The following P4HA3 variants were observed in gnomAD, a reference collection of about 807,000 sequenced individuals.
The protein encoded by P4HA3 is prolyl 4-hydroxylase subunit alpha-3.
P4HA3 carries 60 observed loss-of-function variants against 66.7 expected under a neutral mutation model. That is an observed-to-expected ratio of 0.90 (90% CI 0.73 to 1.12). The LOEUF is 1.12. P4HA3 is among the 50% of genes most tolerant of loss of function. The probability of loss-of-function intolerance (pLI) is 0.00; values close to 1 mark genes in which losing one functional copy is unlikely to be tolerated. For synonymous variants in P4HA3, 263 were observed against 274.6 expected, an observed-to-expected ratio of 0.96 and a Z score of 0.42; for missense variants, 683 against 685.8, an observed-to-expected ratio of 1.00 and a Z score of 0.05.
intron 4 of P4HA3, among the ~76,000 whole-genome samples, chr11:74,297,980 ACAG>A (rs1861281323): frequency 6.6e-6 from 1 of 152,252 alleles, no homozygotes; most frequent in Non-Finnish European, 1.5e-5. Flanking sequence ...CACTGGACTA[ACAG>A]TCTAATCCTA....
chr11:74,258,705 A>G (rs1783538), intron 15 of P4HA3, among the ~76,000 whole-genome samples: 89,484 of 151,492 alleles, frequency 0.59, 28,539 homozygotes, highest in African/African-American at 0.86. Context: ...AGGACCTGAT[A>G]ATGAGAGGAA....
At chr11:74,284,663 C>T (rs977545224) in intron 7 of P4HA3, among the ~76,000 whole-genome samples, 1 of 152,074 alleles carries the variant, frequency 6.6e-6, no homozygotes, top group Non-Finnish European at 1.5e-5. Context: ...CATTCATGGC[C>T]GTGTCGTCCA....
intron 15 of P4HA3, chr11:74,251,599 G>A (rs1859665005): frequency 6.2e-7 from 1 of 1,600,028 alleles, no homozygotes; most frequent in South Asian, 1.1e-5. Context: ...CCAAGGCTAA[G>A]CCCCATCACT....
At chr11:74,280,864 C>T (rs1860568241) in intron 7 of P4HA3, among the ~76,000 whole-genome samples, 1 of 152,168 alleles carries the variant, frequency 6.6e-6, no homozygotes, top group Non-Finnish European at 1.5e-5. Context: ...CTTGGAAAAG[C>T]CTCTTCCTTT....
downstream of P4HA3, among the ~76,000 whole-genome samples, chr11:74,263,921 G>C (rs569042023): frequency 2.5e-4 from 38 of 152,012 alleles, no homozygotes; most frequent in Non-Finnish European, 4.7e-4. Context: ...TTAGGAGTTC[G>C]AGAAAGAAAG....
Position 74,268,152 on chromosome 11 carries a change from A to C in P4HA3, c.1557T>G (p.Asp519Glu). Residue 519 changes from aspartate (D) to glutamate (E), a missense_variant, in exon 12 of 13, where the codon GAT (aspartate) becomes GAG (glutamate). Physicochemically the swap from Asp to Glu is conservative, Grantham distance 45. Transcript: ENST00000331597. ...LHAGCPVLVG[D>E]KWVANKWIHE... ...CAGAAAGGCAAGACTTACCCCACTTATCTCCCACCAGGACAGGACAGCCAG... is the reference window on the plus strand; with the variant it reads ...CAGAAAGGCAAGACTTACCCCACTTCTCTCCCACCAGGACAGGACAGCCAG... 1 of 1,613,484 alleles carries C rather than the reference A, an allele frequency of 6.2e-7. No individual in the cohort carries two copies.
intron 3 of P4HA3, among the ~76,000 whole-genome samples, chr11:74,301,154 TA>T (rs1861394984): frequency 6.6e-6 from 1 of 152,124 alleles, no homozygotes; most frequent in South Asian, 2.1e-4. Context: ...TATATATTTT[TA>T]AAAATGAAAC....
At chr11:74,287,062 T>G in intron 5 of P4HA3, 1 of 1,139,854 alleles carries the variant, frequency 8.8e-7, no homozygotes, top group Non-Finnish European at 1.1e-6. Context: ...CTAGACTGGA[T>G]TCCCACAGGG....
chr11:74,286,769 T>C (rs1016121453), intron 5 of P4HA3, among the ~76,000 whole-genome samples: 1 of 152,232 alleles, frequency 6.6e-6, no homozygotes, highest in Non-Finnish European at 1.5e-5. Context: ...AAATCTTCAG[T>C]GAACATCTAC....
chr11:74,297,359 T>C (rs1478455039), intron 4 of P4HA3, among the ~76,000 whole-genome samples: 1 of 152,036 alleles, frequency 6.6e-6, no homozygotes, highest in Admixed American at 6.6e-5. Context: ...CAGCAACACA[T>C]GGGTTTGGAG....
intron 15 of P4HA3, among the ~76,000 whole-genome samples, chr11:74,253,155 A>T (rs1198424029): frequency 6.6e-6 from 1 of 152,136 alleles, no homozygotes; most frequent in Non-Finnish European, 1.5e-5. Context: ...AGATGATGGC[A>T]AGACCTTGGG....
In P4HA3 at chr11:74,267,290, T is replaced by C; in HGVS notation, c.1593A>G (p.Gly531=). 3 of 1,614,178 alleles carry C rather than the reference T, an allele frequency of 1.9e-6. No individual in the cohort carries two copies. Among genetic ancestry groups the C allele is most frequent in the Non-Finnish European group, 2.5e-6 (3 of 1,180,018 alleles). The change falls in exon 13 of 13, where the codon GGA becomes GGG. Residue 531 remains glycine, a synonymous_variant. Coordinates refer to ENST00000331597, the MANE Select transcript of P4HA3 (RefSeq NM_182904.5). ...WVANKWIHEY[G]QEFRRPCSSS... is the part of the protein sequence containing the mutation. ...AGCTGCAGGGTCTGCGGAATTCCTG[T>C]CCATACTCATGTATCCACTTGTTGG...
At chr11:74,279,030 T>C (rs750370175) in intron 8 of P4HA3, among the ~76,000 whole-genome samples, 16 of 152,308 alleles carry the variant, frequency 1.1e-4, no homozygotes, top group Non-Finnish European at 1.2e-4. Context: ...GCTTTCAATA[T>C]GAGTCAGGAG....
intron 9 of P4HA3, among the ~76,000 whole-genome samples, chr11:74,275,431 T>C (rs78287773): frequency 0.04 from 6,052 of 152,312 alleles, 127 homozygotes; most frequent in Middle Eastern, 0.11. Context: ...ATTGAAAAGA[T>C]TGTATTTTCT....
At chr11:74,282,270 T>C (rs1300244735) in intron 7 of P4HA3, among the ~76,000 whole-genome samples, 3 of 152,218 alleles carry the variant, frequency 2.0e-5, no homozygotes, top group Non-Finnish European at 2.9e-5. Context: ...TTATTGGTTG[T>C]TCTCTGTGCT....
Position 74,302,354 on chromosome 11 carries a change from C to G in P4HA3, c.567+15G>C. On this transcript the variant is annotated intron_variant, in intron 3 of 12. Coordinates refer to ENST00000331597, the MANE Select transcript of P4HA3 (RefSeq NM_182904.5). ...ACCAGAGCCAAGCAATTGGCCCTCT[C>G]TTGAATATTGTTACCTTGCCAACTT... The G allele has an allele frequency of 6.2e-7, 1 of 1,605,568 alleles. No homozygotes were observed. The highest frequency in any genetic ancestry group is 8.5e-7 in the Non-Finnish European group (1 of 1,175,380).
At chr11:74,253,676 A>C (rs1859762564) in intron 15 of P4HA3, 1 of 751,620 alleles carries the variant, frequency 1.3e-6, no homozygotes, top group East Asian at 2.7e-5. Flanking sequence ...TATTCTGCCA[A>C]AAGCATTGTT....
intron 15 of P4HA3, among the ~76,000 whole-genome samples, chr11:74,257,134 C>A (rs1253121135): frequency 4.6e-5 from 7 of 151,936 alleles, no homozygotes; most frequent in African/African-American, 1.7e-4. Flanking sequence ...AGCATTTTTT[C>A]TTTCTTTTTT....
intron 1 of P4HA3, 60 bp downstream of exon 1, chr11:74,311,352 C>G (rs1001304536): frequency 5.0e-6 from 7 of 1,410,208 alleles, no homozygotes; most frequent in Non-Finnish European, 6.4e-6. Context: ...GTCACCCCAC[C>G]CTGCGGCACA....
Sources: allele counts gnomAD v4.1 joint callset (sites outside exome capture counted in the v4.1 genomes callset), GRCh38; gene constraint gnomAD v4.1.1; transcripts MANE v1.5; gene names NCBI Gene and HGNC (gene_info 2026-07-23, HGNC 2026-07-21).